LRFN2: variants seen among roughly 807,000 people sequenced by gnomAD.
LRFN2 encodes the protein leucine-rich repeat and fibronectin type-III domain-containing protein 2.
LRFN2 carries 18 observed loss-of-function variants against 37.3 expected under a neutral mutation model. The observed-to-expected ratio is 0.48, with a 90% CI of 0.33 to 0.72. The LOEUF is 0.72. Ranked by LOEUF, LRFN2 falls within the 30% of genes least tolerant of loss-of-function variation. LRFN2 has a pLI of 0.02. For missense variants in LRFN2, 1,006 were observed against 1,060.7 expected (o/e 0.95, Z 0.72); for synonymous variants, 556 against 466.6 (o/e 1.19, Z -2.47).
intron 1 of LRFN2, among the ~76,000 whole-genome samples, chr6:40,442,254 T>C (rs191788022): frequency 6.6e-6 from 1 of 152,276 alleles, no homozygotes; most frequent in East Asian, 1.9e-4. Flanking sequence ...CTAAACTCAT[T>C]TCCATTTGGC....
At chr6:40,537,733 C>G (rs1407605991) in intron 1 of LRFN2, among the ~76,000 whole-genome samples, 1 of 152,088 alleles carries the variant, frequency 6.6e-6, no homozygotes, top group Non-Finnish European at 1.5e-5. Flanking sequence ...CTCTCCAGTC[C>G]CCACAGCCTC....
At chr6:40,421,178 T>C (rs536710715) in intron 2 of LRFN2, among the ~76,000 whole-genome samples, 3 of 152,320 alleles carry the variant, frequency 2.0e-5, no homozygotes, top group African/African-American at 7.2e-5. Context: ...AGTCCCTGAC[T>C]CCATGGAGCT....
At chr6:40,414,037 T>C (rs773436776) in intron 2 of LRFN2, among the ~76,000 whole-genome samples, 34 of 152,272 alleles carry the variant, frequency 2.2e-4, no homozygotes, top group Non-Finnish European at 3.1e-4. Flanking sequence ...ACCCCCTCAA[T>C]CCTAACTCAT....
chr6:40,391,799 G>T lies in LRFN2; in HGVS notation c.*144C>A. On this transcript the variant is annotated 3_prime_UTR_variant, in exon 3 of 3. Coordinates refer to ENST00000338305, the MANE Select transcript of LRFN2 (RefSeq NM_020737.3). ...GAGGTGATGTGGGTGTTGCGGGGTA[G>T]GGGGGGACACGAGGCCATTGACAGG... 1 of 771,918 alleles carries T rather than the reference G, an allele frequency of 1.3e-6. No individual in the cohort carries two copies. The highest frequency in any genetic ancestry group is 3.6e-5 in the Admixed American group (1 of 27,760). The allele number at this position is 771,918 out of a possible 1,614,324, so 47.8% of individuals were successfully genotyped here.
At chr6:40,451,218 G>A (rs962163169) in intron 1 of LRFN2, among the ~76,000 whole-genome samples, 1 of 152,166 alleles carries the variant, frequency 6.6e-6, no homozygotes, top group African/African-American at 2.4e-5. Flanking sequence ...TGTAAAGAGT[G>A]CCCACAGCTT....
chr6:40,433,919 A>T (rs1448214949), intron 1 of LRFN2, among the ~76,000 whole-genome samples: 1 of 152,144 alleles, frequency 6.6e-6, no homozygotes, highest in Non-Finnish European at 1.5e-5. Context: ...TTCAGAAGGA[A>T]GGGATTATCT....
At chr6:40,456,787 G>T (rs1247009630) in intron 1 of LRFN2, among the ~76,000 whole-genome samples, 1 of 152,156 alleles carries the variant, frequency 6.6e-6, no homozygotes, top group Non-Finnish European at 1.5e-5. Flanking sequence ...CTCCAAGGAA[G>T]GAGAGAAAAG....
intron 2 of LRFN2, among the ~76,000 whole-genome samples, chr6:40,409,728 G>A (rs1762925172): frequency 6.6e-6 from 1 of 152,144 alleles, no homozygotes; most frequent in South Asian, 2.1e-4. Flanking sequence ...AATGTGAGGT[G>A]TCCATTTTTT....
chr6:40,498,618 C>T (rs573209047), intron 1 of LRFN2, among the ~76,000 whole-genome samples: 18 of 152,354 alleles, frequency 1.2e-4, no homozygotes, highest in Admixed American at 9.8e-4. Context: ...CATATGATCT[C>T]ATGTGCTATG....
intron 1 of LRFN2, among the ~76,000 whole-genome samples, chr6:40,573,660 G>C (rs1767225998): frequency 6.6e-6 from 1 of 152,138 alleles, no homozygotes; most frequent in African/African-American, 2.4e-5. Context: ...ATCCTAGTTG[G>C]CCTGGGACTT....
intron 1 of LRFN2, among the ~76,000 whole-genome samples, chr6:40,471,152 G>A (rs1379586007): frequency 1.3e-5 from 2 of 152,168 alleles, no homozygotes; most frequent in East Asian, 3.9e-4. Context: ...GGGTACGGAT[G>A]AGGCTGATGT....
intron 1 of LRFN2, among the ~76,000 whole-genome samples, chr6:40,477,034 T>C (rs1764724575): frequency 6.6e-6 from 1 of 152,196 alleles, no homozygotes; most frequent in Non-Finnish European, 1.5e-5. Flanking sequence ...GATCAGGAAA[T>C]GGATTATCTA....
intron 1 of LRFN2, among the ~76,000 whole-genome samples, chr6:40,480,399 C>T (rs1764800633): frequency 6.6e-6 from 1 of 152,132 alleles, no homozygotes; most frequent in African/African-American, 2.4e-5. Flanking sequence ...CCACCTCAGC[C>T]TCTGAAGCAG....
At chr6:40,531,200 A>G (rs922251866) in intron 1 of LRFN2, among the ~76,000 whole-genome samples, 2 of 152,162 alleles carry the variant, frequency 1.3e-5, no homozygotes, top group African/African-American at 4.8e-5. Flanking sequence ...ATTTACATAA[A>G]TGGAATCCTA....
chr6:40,483,384 G>T (rs1437225931), intron 1 of LRFN2, among the ~76,000 whole-genome samples: 1 of 152,150 alleles, frequency 6.6e-6, no homozygotes, highest in Non-Finnish European at 1.5e-5. Context: ...CACCCTAATG[G>T]CTTCCACCTT....
intron 1 of LRFN2, among the ~76,000 whole-genome samples, chr6:40,435,014 CATATATATATATATAT>C (rs368583078): frequency 0.012 from 576 of 47,990 alleles, 13 homozygotes; most frequent in African/African-American, 0.036. Flanking sequence ...AATGGTTTTA[CATATATATATATATAT>C]ATATATATAT....
At chr6:40,445,522 G>A (rs972139137) in intron 1 of LRFN2, among the ~76,000 whole-genome samples, 4 of 152,210 alleles carry the variant, frequency 2.6e-5, no homozygotes, top group Admixed American at 1.3e-4. Context: ...TAGGTGGTAG[G>A]ATTTCAGCAG....
rs376392053 is a variant in LRFN2 at position 40,422,660 on chromosome 6, GTGT to G, written c.1400+9051_1400+9053del. Among the ~76,000 whole-genome samples the G allele has an allele frequency of 6.6e-4, 100 of 152,290 alleles. 4 individuals carry two copies. In the East Asian group the frequency reaches 0.016, roughly 25 times the overall value. On this transcript the variant is annotated intron_variant, in intron 2 of 2. Transcript: ENST00000338305. ...AGTTCAGTTGTGAGATAAGTGTTTG[GTGT>G]TGTTTTGATGGCCACCACTACAGCA...
intron 1 of LRFN2, among the ~76,000 whole-genome samples, chr6:40,559,790 C>G (rs924959466): frequency 6.6e-6 from 1 of 152,160 alleles, no homozygotes; most frequent in Non-Finnish European, 1.5e-5. Context: ...TCATCCGCCC[C>G]CTCTGACTCC....
Sources: allele counts gnomAD v4.1 joint callset (sites outside exome capture counted in the v4.1 genomes callset), GRCh38; gene constraint gnomAD v4.1.1; transcripts MANE v1.5; gene names NCBI Gene and HGNC (gene_info 2026-07-23, HGNC 2026-07-21).